The following DPY19L3 variants were observed in gnomAD, a reference collection of about 807,000 sequenced individuals.
The protein encoded by DPY19L3 is dpy-19 like C-mannosyltransferase 3, also known as protein C-mannosyl-transferase DPY19L3.
A neutral mutation model predicts 92.3 loss-of-function variants in DPY19L3; 51 were observed. The observed-to-expected ratio is 0.55, with a 90% CI of 0.44 to 0.70. The LOEUF (loss-of-function observed/expected upper bound fraction) is 0.70, where lower values mean the gene tolerates loss of function less well. Among genes scored for constraint, DPY19L3 ranks in the 30% least tolerant of loss-of-function variants. DPY19L3 has a pLI of 0.00. For synonymous variants in DPY19L3, 309 were observed against 315.2 expected (o/e 0.98, Z 0.21); for missense variants, 706 against 855.9 (o/e 0.82, Z 2.18).
At chr19:32,452,549 A>G (rs1440633183) in intron 8 of DPY19L3, among the ~76,000 whole-genome samples, 1 of 152,264 alleles carries the variant, frequency 6.6e-6, no homozygotes, top group African/African-American at 2.4e-5. Context: ...GGCCCTTGCC[A>G]ATTCCCAGGA....
intron 8 of DPY19L3, among the ~76,000 whole-genome samples, chr19:32,441,776 G>A (rs1012763752): frequency 6.6e-5 from 10 of 152,136 alleles, no homozygotes; most frequent in African/African-American, 2.4e-4. Context: ...GGGATTATAG[G>A]TGTGAGCCAC....
intron 4 of DPY19L3, 39 bp downstream of exon 4, chr19:32,432,845 T>A: frequency 6.3e-7 from 1 of 1,576,090 alleles, no homozygotes; most frequent in South Asian, 1.1e-5. Flanking sequence ...GTCTCCTGCA[T>A]TTTTTTCAAT....
At chr19:32,463,737 GC>G in intron 13 of DPY19L3, 131 bp from the exon 14 acceptor site, 1 of 894,144 alleles carries the variant, frequency 1.1e-6, no homozygotes, top group East Asian at 2.5e-5. Flanking sequence ...GAACCCTTCG[GC>G]AAATGGCATC....
At position 32,437,153 on chromosome 19, in the gene DPY19L3, G is replaced by A. The variant is rs774657736; in HGVS notation, c.451-41G>A. The A allele has an allele frequency of 1.5e-5, 24 of 1,611,318 alleles. No individual in the cohort carries two copies. The East Asian group carries it at 4.9e-4, about 33-fold the overall frequency. ...TTTTAAATGGCACTGAGGAGGGTTAGGGCTCACCTGACAAACATGTTTTAT... is the reference window on the plus strand; with the variant it reads ...TTTTAAATGGCACTGAGGAGGGTTAAGGCTCACCTGACAAACATGTTTTAT... On this transcript the variant is annotated intron_variant, in intron 5 of 18. Coordinates refer to ENST00000392250, the MANE Select transcript of DPY19L3 (RefSeq NM_001172774.2).
chr19:32,409,614 T>C (rs900633794), intron 2 of DPY19L3, among the ~76,000 whole-genome samples: 1 of 152,198 alleles, frequency 6.6e-6, no homozygotes, highest in African/African-American at 2.4e-5. Context: ...CTGCAGACTG[T>C]ATGAGAAGCA....
At chr19:32,424,794 G>A (rs1968702253) in intron 3 of DPY19L3, among the ~76,000 whole-genome samples, 1 of 152,126 alleles carries the variant, frequency 6.6e-6, no homozygotes, top group Non-Finnish European at 1.5e-5. Context: ...TGAAAAAGAA[G>A]AACAAAGTTG....
intron 12 of DPY19L3, among the ~76,000 whole-genome samples, chr19:32,462,440 A>G (rs1179424508): frequency 6.6e-6 from 1 of 152,218 alleles, no homozygotes; most frequent in African/African-American, 2.4e-5. Flanking sequence ...TTTCCTCAAT[A>G]ACAAACCACT....
intron 12 of DPY19L3, among the ~76,000 whole-genome samples, chr19:32,462,430 T>C (rs762383628): frequency 1.2e-4 from 18 of 152,174 alleles, no homozygotes; most frequent in Non-Finnish European, 2.2e-4. Context: ...CGGACAGCAG[T>C]TTCCTCAATA....
intron 2 of DPY19L3, among the ~76,000 whole-genome samples, chr19:32,409,094 A>AT (rs1490285721): frequency 6.6e-6 from 1 of 152,248 alleles, no homozygotes; most frequent in Non-Finnish European, 1.5e-5. Flanking sequence ...GTAATCTGTA[A>AT]TGGGAGGTCA....
At chr19:32,436,084 A>G (rs1002648197) in intron 4 of DPY19L3, among the ~76,000 whole-genome samples, 1 of 152,252 alleles carries the variant, frequency 6.6e-6, no homozygotes, top group African/African-American at 2.4e-5. Context: ...GGAGTGGAGA[A>G]GGAAGGCCAT....
chr19:32,443,528 G>A (rs1290090615), intron 8 of DPY19L3, among the ~76,000 whole-genome samples: 2 of 152,160 alleles, frequency 1.3e-5, no homozygotes, highest in Admixed American at 1.3e-4. Flanking sequence ...AGTGCCATCA[G>A]TGAACCAGGA....
intron 16 of DPY19L3, among the ~76,000 whole-genome samples, chr19:32,475,908 A>G (rs1404145144): frequency 6.6e-6 from 1 of 152,222 alleles, no homozygotes; most frequent in Non-Finnish European, 1.5e-5. Context: ...TCTGCATTCT[A>G]GACTCTGGCA....
intron 4 of DPY19L3, 93 bp from the exon 5 acceptor site, chr19:32,436,353 T>A: frequency 1.0e-6 from 1 of 999,906 alleles, no homozygotes; most frequent in Non-Finnish European, 1.4e-6. Flanking sequence ...TACCACAGTC[T>A]CTAGCACTTA....
In DPY19L3 at chr19:32,468,712, G is replaced by A. The variant is rs760948415; in HGVS notation, c.1615-19G>A. 8.7e-6 allele frequency: 14 copies of A among 1,611,172 alleles called. No homozygotes were observed. The highest frequency in any genetic ancestry group is 1.3e-5 in the African/African-American group (1 of 74,638). ...TAGGGGTGGATTTTGTTTTTGTTTT[G>A]TTTTGTTTTTAATTTCAGTTCTGGC... is the stretch of plus-strand genomic sequence containing the variant. On this transcript the variant is annotated intron_variant, in intron 15 of 18. Coordinates refer to ENST00000392250, the MANE Select transcript of DPY19L3 (RefSeq NM_001172774.2).
At chr19:32,438,002 C>A (rs1969200652) in intron 6 of DPY19L3, among the ~76,000 whole-genome samples, 1 of 152,092 alleles carries the variant, frequency 6.6e-6, no homozygotes, top group Non-Finnish European at 1.5e-5. Context: ...TCTTCACTAT[C>A]AACCTTAATA....
chr19:32,438,609 A>G (rs1360174710), intron 6 of DPY19L3, among the ~76,000 whole-genome samples: 1 of 152,194 alleles, frequency 6.6e-6, no homozygotes, highest in Non-Finnish European at 1.5e-5. Context: ...TTGAATGCCT[A>G]GTATGTGTGG....
intron 16 of DPY19L3, 184 bp downstream of exon 16, chr19:32,468,997 CT>C: frequency 2.1e-6 from 1 of 484,622 alleles, no homozygotes; most frequent in East Asian, 3.8e-5. Flanking sequence ...AAGAAATATT[CT>C]CTCCAGCTAT....
Position 32,477,633 on chromosome 19 carries a change from C to T in DPY19L3, c.1809C>T (p.Ser603=). The change falls in exon 17 of 19, where the codon AGC becomes AGT. Residue 603 remains serine, a synonymous_variant. Transcript: ENST00000392250. ...ACCACCCGCACTATGAAGACAGCAGCCTGAGAGAGCGGACCAGAGCGGTGA... is the reference window on the plus strand; with the variant it reads ...ACCACCCGCACTATGAAGACAGCAGTCTGAGAGAGCGGACCAGAGCGGTGA... The part of the protein sequence containing the change: ...LTNHPHYEDS[S]LRERTRAVYQ... The T allele has an allele frequency of 6.2e-7, 1 of 1,614,146 alleles. No individual in the cohort carries two copies. Among genetic ancestry groups the T allele is most frequent in the South Asian group, 1.1e-5 (1 of 91,080 alleles).
intron 16 of DPY19L3, among the ~76,000 whole-genome samples, chr19:32,473,614 G>A (rs1970418605): frequency 6.6e-6 from 1 of 152,134 alleles, no homozygotes; most frequent in African/African-American, 2.4e-5. Flanking sequence ...TTCTCATTTT[G>A]TTCCACTTTG....
Sources: allele counts gnomAD v4.1 joint callset (sites outside exome capture counted in the v4.1 genomes callset), GRCh38; gene constraint gnomAD v4.1.1; transcripts MANE v1.5; gene names NCBI Gene and HGNC (gene_info 2026-07-23, HGNC 2026-07-21).